The following ZNF600 variants were observed in gnomAD, a reference collection of about 807,000 sequenced individuals.
ZNF600 encodes zinc finger protein 600, also known as zinc finger protein KR-ZNF1.
A neutral mutation model predicts 7.3 loss-of-function variants in ZNF600; 4 were observed. That is an observed-to-expected ratio of 0.55 (90% CI 0.27 to 1.25). ZNF600 has a LOEUF of 1.25. Among genes scored for constraint, ZNF600 ranks in the 50% most tolerant of loss-of-function variants. The pLI is 0.12. For missense variants in ZNF600, 911 were observed against 922.1 expected (o/e 0.99, Z 0.16); for synonymous variants, 290 against 308.9 (o/e 0.94, Z 0.64).
exon 4 of ZNF600, chr19:52,767,405 A>G (rs1249640370): frequency 6.2e-7 from 1 of 1,614,186 alleles, no homozygotes; most frequent in South Asian, 1.1e-5. Flanking sequence ...CCGAGGGAGC[A>G]TCACTGGTAG....
intron 1 of ZNF600, chr19:52,781,375 T>C (rs1049109186): frequency 2.6e-5 from 4 of 152,146 alleles, no homozygotes; most frequent in African/African-American, 4.8e-5. Flanking sequence ...ACCAAGTTAT[T>C]CTGAGATGTT....
intron 1 of ZNF600, among the ~76,000 whole-genome samples, chr19:52,783,763 G>A (rs2062742636): frequency 6.6e-6 from 1 of 151,954 alleles, no homozygotes; most frequent in Non-Finnish European, 1.5e-5. Flanking sequence ...CCCCTCTCCT[G>A]TTTTGCTCCA....
At chr19:52,812,171 G>A in the ZNF600 span, among the ~76,000 whole-genome samples, 12 of 127,556 alleles carry the variant, frequency 9.4e-5, 1 homozygote, top group East Asian at 1.4e-3. Flanking sequence ...CCGGCCAGCC[G>A]CCCCATCTGG....
chr19:52,784,075 C>A (rs959406438), intron 1 of ZNF600, among the ~76,000 whole-genome samples: 4 of 150,934 alleles, frequency 2.7e-5, no homozygotes, highest in African/African-American at 9.8e-5. Flanking sequence ...AACTCCACCT[C>A]AAAAAAAAAT....
chr19:52,779,438 G>T (rs567276806), intron 1 of ZNF600, among the ~76,000 whole-genome samples: 2 of 152,338 alleles, frequency 1.3e-5, no homozygotes, highest in Admixed American at 6.5e-5. Flanking sequence ...TCCACTCAGA[G>T]GGGGCGAGCC....
At chr19:52,769,362 T>C (rs1018637592) in intron 3 of ZNF600, among the ~76,000 whole-genome samples, 12 of 152,070 alleles carry the variant, frequency 7.9e-5, no homozygotes, top group African/African-American at 2.9e-4. Flanking sequence ...TAGATAACAG[T>C]AGCAAAATGA....
At chr19:52,812,762 T>TAACAAA in the ZNF600 span, among the ~76,000 whole-genome samples, 1 of 75,400 alleles carries the variant, frequency 1.3e-5, no homozygotes, top group Non-Finnish European at 2.8e-5. Flanking sequence ...GAATGATCAA[T>TAACAAA]AAAAAAAAAA....
At chr19:52,816,707 C>G in the ZNF600 span, among the ~76,000 whole-genome samples, 1 of 151,196 alleles carries the variant, frequency 6.6e-6, no homozygotes, top group South Asian at 2.1e-4. Flanking sequence ...TGGCGCGCAC[C>G]TATAATCCCA....
At chr19:52,831,784 A>G in the ZNF600 span, among the ~76,000 whole-genome samples, 7 of 152,100 alleles carry the variant, frequency 4.6e-5, no homozygotes, top group African/African-American at 1.7e-4. Context: ...GATTACAGGC[A>G]TGTGCCACTG....
the ZNF600 span, among the ~76,000 whole-genome samples, chr19:52,804,803 C>T: frequency 2.0e-5 from 3 of 152,184 alleles, no homozygotes; most frequent in Non-Finnish European, 4.4e-5. Context: ...TCACAGCTGG[C>T]CAGTCTAAGC....
the ZNF600 span, among the ~76,000 whole-genome samples, chr19:52,795,119 T>C: frequency 1.4e-4 from 21 of 152,274 alleles, no homozygotes; most frequent in African/African-American, 4.6e-4. Context: ...AGGTTCCAGG[T>C]CAATCCAGCC....
chr19:52,798,809 G>C, the ZNF600 span: 2 of 828,564 alleles, frequency 2.4e-6, no homozygotes, highest in Admixed American at 3.8e-5. Context: ...ATTTGCAATG[G>C]TTGTAGCATT....
intron 3 of ZNF600, among the ~76,000 whole-genome samples, chr19:52,768,078 A>G (rs915190284): frequency 2.6e-5 from 4 of 152,130 alleles, no homozygotes; most frequent in African/African-American, 4.8e-5. Context: ...TTTGCAAAAA[A>G]CATATCACTG....
chr19:52,792,707 G>C, the ZNF600 span, among the ~76,000 whole-genome samples: 2 of 151,754 alleles, frequency 1.3e-5, no homozygotes, highest in Non-Finnish European at 2.9e-5. Context: ...CACCATGCCC[G>C]GCTCAATCCT....
chr19:52,807,024 CAG>C, the ZNF600 span, among the ~76,000 whole-genome samples: 2 of 152,190 alleles, frequency 1.3e-5, no homozygotes, highest in Admixed American at 6.5e-5. Context: ...CTCCCACTTG[CAG>C]AGAGTTTCCC....
chr19:52,766,010 G>T lies in ZNF600; in HGVS notation c.1953C>A (p.Tyr651Ter), dbSNP rs2062570372. 4 of 1,614,056 alleles carry T rather than the reference G, an allele frequency of 2.5e-6. No homozygotes were observed. The highest frequency in any genetic ancestry group is 3.3e-5 in the Admixed American group (2 of 59,998). The change falls in exon 4 of 4, where the codon TAC becomes TAA. Residue 651 changes from tyrosine (Y) to a stop codon, truncating the protein, a stop_gained. Transcript: ENST00000648973. LOFTEE classifies it low-confidence loss of function (END_TRUNC). ...AAGCCTTGTCACAAACCGTACATTT[G>T]TAAGATTTCTCTCCAGTATGAAGTC...
the ZNF600 span, chr19:52,810,307 G>C: frequency 6.4e-7 from 1 of 1,562,220 alleles, no homozygotes. Context: ...GCTGATGCCC[G>C]TTCCATCAAT....
chr19:52,815,596 G>A, the ZNF600 span, among the ~76,000 whole-genome samples: 14 of 146,500 alleles, frequency 9.6e-5, 2 homozygotes, highest in East Asian at 6.0e-4. Flanking sequence ...AGGCCGAGGC[G>A]GGCGAATCAT....
the ZNF600 span, among the ~76,000 whole-genome samples, chr19:52,811,123 A>G: frequency 1.3e-5 from 2 of 150,318 alleles, no homozygotes; most frequent in Admixed American, 6.6e-5. Context: ...CCAGCTCCTA[A>G]CCACGAGTGA....
Sources: gnomAD v4.1 joint callset for allele counts (sites outside exome capture counted in the v4.1 genomes callset) on GRCh38, gnomAD v4.1.1 for gene constraint, MANE v1.5 for transcripts, NCBI Gene and HGNC (gene_info 2026-07-23, HGNC 2026-07-21) for gene names.